The following DPF3 variants were observed in gnomAD, a reference collection of about 807,000 sequenced individuals.
DPF3 encodes the protein zinc finger protein DPF3.
In DPF3, 18 loss-of-function variants were observed where a neutral mutation model predicts 56.8. That is an observed-to-expected ratio of 0.32 (90% CI 0.22 to 0.47). DPF3 has a LOEUF of 0.47. Among genes scored for constraint, DPF3 ranks in the 20% least tolerant of loss-of-function variants. The probability of loss-of-function intolerance (pLI) is 1.00; values close to 1 mark genes in which losing one functional copy is unlikely to be tolerated. For missense variants in DPF3, 403 were observed against 488.8 expected, an observed-to-expected ratio of 0.82 and a Z score of 1.65; for synonymous variants, 188 against 180.2, an observed-to-expected ratio of 1.04 and a Z score of -0.35.
chr14:72,778,270 A>G (rs1258419927), intron 1 of DPF3, among the ~76,000 whole-genome samples: 2 of 152,168 alleles, frequency 1.3e-5, no homozygotes, highest in African/African-American at 4.8e-5. Context: ...GCTGTGGGGT[A>G]CAAGTGAGCA....
At chr14:72,884,305 C>A (rs969393048) in intron 1 of DPF3, among the ~76,000 whole-genome samples, 18 of 152,164 alleles carry the variant, frequency 1.2e-4, no homozygotes, top group African/African-American at 3.9e-4. Flanking sequence ...ATGAGTAGAC[C>A]TTGCATTTCC....
chr14:72,819,090 G>T, intron 1 of DPF3, among the ~76,000 whole-genome samples: 1 of 152,166 alleles, frequency 6.6e-6, no homozygotes, highest in Non-Finnish European at 1.5e-5. Context: ...ATAAGCACGT[G>T]AAAATATGCT....
chr14:72,639,166 C>T (rs1296847311), intron 8 of DPF3, among the ~76,000 whole-genome samples: 2 of 152,234 alleles, frequency 1.3e-5, no homozygotes, highest in East Asian at 3.9e-4. Context: ...TTGCAATCTA[C>T]CCAATTGTGA....
At chr14:72,722,224 G>A (rs1243600440) in intron 5 of DPF3, among the ~76,000 whole-genome samples, 1 of 152,142 alleles carries the variant, frequency 6.6e-6, no homozygotes, top group African/African-American at 2.4e-5. Context: ...CAAAAAGTAG[G>A]AGAAAAGAAG....
At chr14:72,748,742 G>A (rs1280731578) in intron 3 of DPF3, among the ~76,000 whole-genome samples, 1 of 152,234 alleles carries the variant, frequency 6.6e-6, no homozygotes, top group Non-Finnish European at 1.5e-5. Flanking sequence ...GCTGAAAGGG[G>A]CCAACATAGA....
intron 1 of DPF3, among the ~76,000 whole-genome samples, chr14:72,821,879 G>A (rs924396906): frequency 2.0e-5 from 3 of 151,834 alleles, no homozygotes; most frequent in Admixed American, 1.3e-4. Context: ...ACTGTCGTGT[G>A]TACCTGTAGT....
chr14:72,701,656 A>C (rs949066357), intron 6 of DPF3, among the ~76,000 whole-genome samples: 2 of 152,178 alleles, frequency 1.3e-5, no homozygotes, highest in Admixed American at 1.3e-4. Context: ...TGCCTTCCCC[A>C]CTGATAACTT....
intron 6 of DPF3, among the ~76,000 whole-genome samples, chr14:72,699,997 G>T (rs1888088811): frequency 6.6e-6 from 1 of 152,176 alleles, no homozygotes; most frequent in South Asian, 2.1e-4. Flanking sequence ...GGCAGACCAG[G>T]GTGGAGCCTG....
intron 8 of DPF3, chr14:72,671,231 C>T (rs1194812723): frequency 6.2e-7 from 1 of 1,613,838 alleles, no homozygotes; most frequent in Non-Finnish European, 8.5e-7. Context: ...TCATCAAAGC[C>T]GTGGAAAGTT....
chr14:72,821,526 A>G (rs964063387), intron 1 of DPF3, among the ~76,000 whole-genome samples: 1 of 152,242 alleles, frequency 6.6e-6, no homozygotes, highest in African/African-American at 2.4e-5. Context: ...AATATGATGA[A>G]CTATCGAATA....
intron 1 of DPF3, among the ~76,000 whole-genome samples, chr14:72,776,865 C>T (rs56920144): frequency 0.021 from 3,041 of 142,024 alleles, 108 homozygotes; most frequent in African/African-American, 0.073. Flanking sequence ...CTCCTAGGGG[C>T]GGGGGTGGGG....
intron 1 of DPF3, among the ~76,000 whole-genome samples, chr14:72,807,178 CACAA>C (rs765223344): frequency 2.0e-5 from 3 of 152,170 alleles, no homozygotes; most frequent in Non-Finnish European, 4.4e-5. Flanking sequence ...CTATTCAGGA[CACAA>C]ACTAAATAAG....
At chr14:72,687,214 C>G (rs1320555795) in intron 7 of DPF3, among the ~76,000 whole-genome samples, 5 of 152,188 alleles carry the variant, frequency 3.3e-5, no homozygotes, top group African/African-American at 1.2e-4. Context: ...AGGCATACCA[C>G]CCTTGCACAA....
intron 6 of DPF3, among the ~76,000 whole-genome samples, chr14:72,695,660 C>T (rs1326856228): frequency 6.6e-6 from 1 of 151,746 alleles, no homozygotes. Context: ...TACACACAGA[C>T]GTAAAGATGG....
At chr14:72,884,971 T>TATATGTA (rs10523148) in intron 1 of DPF3, among the ~76,000 whole-genome samples, 1 of 111,686 alleles carries the variant, frequency 9.0e-6, no homozygotes, top group Non-Finnish European at 1.9e-5. Flanking sequence ...TATATATATA[T>TATATGTA]TAGCCGGGCG....
At chr14:72,879,757 C>T (rs1485216583) in intron 1 of DPF3, 18 of 1,508,334 alleles carry the variant, frequency 1.2e-5, no homozygotes, top group Non-Finnish European at 1.6e-5. Context: ...CAGAGCATCC[C>T]CTCAGACTAA....
rs368403776 is a variant in DPF3 at position 72,894,067 on chromosome 14, G to A, written c.22C>T (p.Pro8Ser). 2 of 1,609,910 alleles carry A rather than the reference G, an allele frequency of 1.2e-6. No individual in the cohort carries two copies. The highest frequency in any genetic ancestry group is 1.3e-5 in the African/African-American group (1 of 74,780). The change falls in exon 1 of 11, where the codon CCC becomes TCC. Residue 8 changes from proline (P) to serine (S), a missense_variant. Physicochemically the swap from Pro to Ser is moderately conservative, Grantham distance 74. Coordinates refer to ENST00000556509, the MANE Select transcript of DPF3 (RefSeq NM_001280542.3). MATVIHN[P>S]LKALGDQFYK... Reference sequence around the variant, plus strand: ...TTTAGTCTTACTTACGCTTTCAGGGGGTTGTGAATGACAGTCGCCATTTTG... The same window carrying A: ...TTTAGTCTTACTTACGCTTTCAGGGAGTTGTGAATGACAGTCGCCATTTTG...
intron 1 of DPF3, among the ~76,000 whole-genome samples, chr14:72,838,756 C>A (rs1436882743): frequency 3.0e-4 from 43 of 145,582 alleles, no homozygotes; most frequent in South Asian, 4.3e-4. Flanking sequence ...GACTCCGTCT[C>A]AAAAAAAAAA....
chr14:72,783,149 T>C (rs140465687), intron 1 of DPF3, among the ~76,000 whole-genome samples: 1 of 152,320 alleles, frequency 6.6e-6, no homozygotes, highest in East Asian at 1.9e-4. Flanking sequence ...CTCTGAGATG[T>C]CTTCTTAGGT....
Sources: allele counts gnomAD v4.1 joint callset (sites outside exome capture counted in the v4.1 genomes callset), GRCh38; gene constraint gnomAD v4.1.1; transcripts MANE v1.5; gene names NCBI Gene and HGNC (gene_info 2026-07-23, HGNC 2026-07-21).